MIOS: variants seen among roughly 807,000 people sequenced by gnomAD.
The protein encoded by MIOS is GATOR2 complex protein MIOS.
In MIOS, 52 loss-of-function variants were observed where a neutral mutation model predicts 96.9. That is an observed-to-expected ratio of 0.54 (90% CI 0.43 to 0.68). The LOEUF (loss-of-function observed/expected upper bound fraction) is 0.68, where lower values mean the gene tolerates loss of function less well. Ranked by LOEUF, MIOS falls within the 30% of genes least tolerant of loss-of-function variation. The probability of loss-of-function intolerance (pLI) is 0.00; values close to 1 mark genes in which losing one functional copy is unlikely to be tolerated. For missense variants in MIOS, 1,005 were observed against 1,052.8 expected (o/e 0.95, Z 0.63); for synonymous variants, 397 against 359.5 (o/e 1.10, Z -1.18).
At chr7:7,585,876 T>G (rs1482315900) in intron 7 of MIOS, 71 bp downstream of exon 7, 1 of 1,306,378 alleles carries the variant, frequency 7.7e-7, no homozygotes, top group East Asian at 2.6e-5. Context: ...TTATTAAAAT[T>G]TTCAAATGTC....
intron 12 of MIOS, 98 bp from the exon 13 acceptor site, chr7:7,606,898 A>G: frequency 1.0e-6 from 1 of 960,036 alleles, no homozygotes; most frequent in South Asian, 1.4e-5. Context: ...ACAGCCTGGG[A>G]AATATAGGGA....
chr7:7,581,722 C>T (rs1419205882), intron 5 of MIOS: 1 of 152,172 alleles, frequency 6.6e-6, no homozygotes, highest in African/African-American at 2.4e-5. Flanking sequence ...TGCCACGTGG[C>T]CTTCTCACAG....
rs556777022 is a variant in MIOS, at chr7:7,596,032, T to C, written c.2197-225T>C. On this transcript the variant is annotated intron_variant, in intron 10 of 12. Coordinates refer to ENST00000340080, the MANE Select transcript of MIOS (RefSeq NM_019005.4). ...TAAAGTTTGAGTTCTTCCACCAATT[T>C]CAGTGGTATTAGTAAGAATATAATT... Among the ~76,000 whole-genome samples, 90 of 152,298 alleles carry C rather than the reference T, an allele frequency of 5.9e-4. 1 individual carries two copies. Among genetic ancestry groups the C allele is most frequent in the Non-Finnish European group, 1.1e-3 (77 of 68,030 alleles).
rs1783374712 is a variant in MIOS, at chr7:7,572,083, C to T, written c.-40-353C>T. Among the ~76,000 whole-genome samples, 1 of 152,146 alleles carries T rather than the reference C, an allele frequency of 6.6e-6. No homozygotes were observed. Among genetic ancestry groups the T allele is most frequent in the Admixed American group, 6.5e-5 (1 of 15,282 alleles). On this transcript the variant is annotated intron_variant, in intron 3 of 12. Transcript: ENST00000340080. The surrounding 1 kb of genome is among the most constrained non-coding windows in gnomAD (Gnocchi z 4.8). Reference sequence around the variant, plus strand: ...GGAATATGATTCATAAGTTTTCCCCCCTTCAAAGGGATAATACTTATTAAT... The same window carrying T: ...GGAATATGATTCATAAGTTTTCCCCTCTTCAAAGGGATAATACTTATTAAT...
intron 11 of MIOS, among the ~76,000 whole-genome samples, chr7:7,597,472 A>ATT (rs1784238678): frequency 3.5e-4 from 2 of 5,668 alleles, no homozygotes; most frequent in Non-Finnish European, 3.9e-4. Context: ...GTAAATTTAT[A>ATT]TATATATATA....
chr7:7,579,939 G>T (rs920198833), intron 5 of MIOS, among the ~76,000 whole-genome samples: 1 of 152,098 alleles, frequency 6.6e-6, no homozygotes, highest in Non-Finnish European at 1.5e-5. Flanking sequence ...TCTCTATTCT[G>T]TTCCATGACA....
chr7:7,599,117 A>G (rs992355711), intron 11 of MIOS, among the ~76,000 whole-genome samples: 2 of 152,180 alleles, frequency 1.3e-5, no homozygotes, highest in African/African-American at 2.4e-5. Flanking sequence ...ACAATGCCTT[A>G]TCTGTCATTT....
chr7:7,570,450 A>T (rs1783311110), intron 3 of MIOS, among the ~76,000 whole-genome samples: 1 of 152,098 alleles, frequency 6.6e-6, no homozygotes, highest in South Asian at 2.1e-4. Context: ...AGTTTCATGG[A>T]AGACAATTTT....
chr7:7,604,359 G>C (rs2108063), intron 11 of MIOS, among the ~76,000 whole-genome samples: 146,806 of 152,250 alleles, frequency 0.96, 70,810 homozygotes, highest in East Asian at 1. Flanking sequence ...TTAACTGAGA[G>C]TTGATATTTT....
chr7:7,597,087 G>T (rs1361987206), intron 11 of MIOS, among the ~76,000 whole-genome samples: 1 of 152,108 alleles, frequency 6.6e-6, no homozygotes, highest in Non-Finnish European at 1.5e-5. Flanking sequence ...AACACTTTGG[G>T]TGGCCGAGGC....
chr7:7,597,056 G>A (rs892450242), intron 11 of MIOS, among the ~76,000 whole-genome samples: 2 of 152,116 alleles, frequency 1.3e-5, no homozygotes, highest in Admixed American at 1.3e-4. Flanking sequence ...GCCGGACATG[G>A]TGGCTCACGC....
In MIOS at chr7:7,573,698, A is replaced by C. The variant is rs752717299; in HGVS notation, c.1223A>C (p.Gln408Pro). The C allele has an allele frequency of 3.0e-5, 48 of 1,613,250 alleles. No homozygotes were observed. Among genetic ancestry groups the C allele is most frequent in the Non-Finnish European group, 4.1e-5 (48 of 1,179,582 alleles). The change falls in exon 4 of 13, where the codon CAG becomes CCG. Residue 408 changes from glutamine to proline, a missense_variant. Coordinates refer to ENST00000340080, the MANE Select transcript of MIOS (RefSeq NM_019005.4). This position sits in a 1 kb window ranked among gnomAD's most constrained non-coding sequence, Gnocchi z 5.0. ...ALSRYGLDTE[Q>P]VWRNHILAGN... is the part of the protein sequence containing the mutation. ...TCAAGGTATGGACTTGATACAGAGC[A>C]GGTGTGGAGGAACCACATTTTAGCT...
intron 3 of MIOS, among the ~76,000 whole-genome samples, chr7:7,570,147 C>A (rs1403441620): frequency 6.6e-6 from 1 of 152,226 alleles, no homozygotes; most frequent in African/African-American, 2.4e-5. Flanking sequence ...CAGCACCACA[C>A]ACCAGATATG....
chr7:7,589,121 G>T (rs1297022634), intron 8 of MIOS, among the ~76,000 whole-genome samples: 1 of 152,044 alleles, frequency 6.6e-6, no homozygotes, highest in Non-Finnish European at 1.5e-5. Context: ...AAATTTCGCA[G>T]AATAATGAGG....
intron 3 of MIOS, among the ~76,000 whole-genome samples, chr7:7,568,404 A>C (rs1399355769): frequency 6.6e-6 from 1 of 152,110 alleles, no homozygotes; most frequent in East Asian, 1.9e-4. Flanking sequence ...TTCTGACTCT[A>C]GATTGTTTTC....
rs1389694102 is a variant in MIOS at position 7,583,240 on chromosome 7, G to A, written c.1516G>A (p.Val506Ile). 6.2e-7 allele frequency: 1 copy of A among 1,614,168 alleles called. No homozygotes were observed. Among genetic ancestry groups the A allele is most frequent in the Admixed American group, 1.7e-5 (1 of 60,028 alleles). Residue 506 changes from valine (V) to isoleucine (I), a missense_variant, in exon 6 of 13, where the codon GTA (valine) becomes ATA (isoleucine). By Grantham distance (29) the Val-to-Ile change is conservative (BLOSUM62 3). This residue lies in a region of MIOS where 865 missense variants were observed against 887.9 expected (regional missense o/e 0.97). Coordinates refer to ENST00000340080, the MANE Select transcript of MIOS (RefSeq NM_019005.4). ...TGGGTGGATAAAGAAAGGAACGGAT[G>A]TAGACGTGGGGCCATTTTTGAACTC... ...LCGWIKKGTD[V>I]DVGPFLNSLV...
In MIOS at chr7:7,605,925, A is replaced by G; in HGVS notation, c.2402-17A>G. The G allele has an allele frequency of 1.9e-6, 3 of 1,608,668 alleles. No individual in the cohort carries two copies. Among genetic ancestry groups the G allele is most frequent in the Non-Finnish European group, 2.6e-6 (3 of 1,176,434 alleles). ...TATTATGATATAGTTAATGAAGATCATTTTATTTTGTCATAGGAGGAACCA... is the reference window on the plus strand; with the variant it reads ...TATTATGATATAGTTAATGAAGATCGTTTTATTTTGTCATAGGAGGAACCA... On this transcript the variant is annotated splice_polypyrimidine_tract_variant and intron_variant, in intron 11 of 12. Coordinates refer to ENST00000340080, the MANE Select transcript of MIOS (RefSeq NM_019005.4).
At chr7:7,608,965 A>G (rs1784597653), downstream of MIOS, 1 of 152,054 alleles carries the variant, frequency 6.6e-6, no homozygotes, top group South Asian at 2.1e-4. Flanking sequence ...TCTGTTTTGC[A>G]TTTCAGTGTG....
At chr7:7,606,140 T>C in intron 12 of MIOS, 69 bp downstream of exon 12, 3 of 1,567,446 alleles carry the variant, frequency 1.9e-6, no homozygotes, top group Non-Finnish European at 2.6e-6. Flanking sequence ...TTCTAAATAG[T>C]TTGGGTTTAT....
Sources: allele counts gnomAD v4.1 joint callset (sites outside exome capture counted in the v4.1 genomes callset), GRCh38; gene constraint gnomAD v4.1.1; regional missense constraint gnomAD v4.1.1; non-coding constraint Gnocchi (gnomAD v3.1); transcripts MANE v1.5; gene names NCBI Gene and HGNC (gene_info 2026-07-23, HGNC 2026-07-21).